Variants in CSMD3 observed in about 807,000 individuals in gnomAD.
The protein encoded by CSMD3 is CUB and Sushi multiple domains 3, also known as CUB and sushi domain-containing protein 3.
In CSMD3, 177 loss-of-function variants were observed where a neutral mutation model predicts 435.2. The ratio of observed to expected loss-of-function variants is 0.41; its 90% CI spans 0.36 to 0.46. The LOEUF (loss-of-function observed/expected upper bound fraction) is 0.46. CSMD3 is among the 20% of genes least tolerant of loss of function. The pLI is 0.34. For synonymous variants in CSMD3, 1,656 were observed against 1,520.5 expected (o/e 1.09, Z -2.07); for missense variants, 4,265 against 4,504.6 (o/e 0.95, Z 1.52).
intron 6 of CSMD3, among the ~76,000 whole-genome samples, chr8:112,993,122 G>C (rs1042819690): frequency 5.3e-5 from 8 of 151,646 alleles, no homozygotes; most frequent in Admixed American, 2.6e-4. Flanking sequence ...AAAGTATAAT[G>C]AGTACTGCGA....
chr8:113,361,018 A>G lies in CSMD3; in HGVS notation c.179-46225T>C, dbSNP rs1324491715. 5.3e-5 allele frequency among the ~76,000 whole-genome samples: 8 copies of G among 152,022 alleles called. No homozygotes were observed. The South Asian group carries it at 6.2e-4, about 12-fold the overall frequency. On this transcript the variant is annotated intron_variant, in intron 1 of 70. Transcript: ENST00000297405. ...GTAGTGACTGAATAGTTTTAAGCAGAAAAAAAAGGAACATTTAAGGACTTT... is the reference window on the plus strand; with the variant it reads ...GTAGTGACTGAATAGTTTTAAGCAGGAAAAAAAGGAACATTTAAGGACTTT...
intron 1 of CSMD3, among the ~76,000 whole-genome samples, chr8:113,369,918 G>A (rs1290705159): frequency 1.3e-5 from 2 of 151,730 alleles, no homozygotes; most frequent in African/African-American, 2.4e-5. Context: ...TGACAGTGGG[G>A]GATTGGGAGA....
Position 112,783,424 on chromosome 8 carries a change from G to GGGAAGGAAGGAAGGAA in CSMD3, c.1972+16722_1972+16737dup, listed in dbSNP as rs1256764715. On this transcript the variant is annotated intron_variant, in intron 13 of 70. Transcript: ENST00000297405. ...AAGGAAGGAAGGAAGGAGGGAGGGA[G>GGGAAGGAAGGAAGGAA]GGAAGGAAGGAAGGAAGGAAGGAAG... 3.9e-3 allele frequency among the ~76,000 whole-genome samples: 223 copies of GGGAAGGAAGGAAGGAA among 56,930 alleles called. 1 individual carries two copies. The highest frequency in any genetic ancestry group is 0.022 in the Middle Eastern group (2 of 90). 37.3% of individuals were successfully genotyped at this position (56,930 alleles called of 152,430 possible). A position where few individuals can be genotyped will look rare whatever the true frequency, so the allele number is the denominator to read the frequency against.
intron 9 of CSMD3, among the ~76,000 whole-genome samples, chr8:112,927,549 G>A (rs1011286185): frequency 1.3e-5 from 2 of 152,002 alleles, no homozygotes; most frequent in African/African-American, 2.4e-5. Flanking sequence ...TTATTTGTAA[G>A]TCATAAAAAT....
At chr8:112,639,757 G>A (rs2074768304) in intron 20 of CSMD3, among the ~76,000 whole-genome samples, 1 of 152,022 alleles carries the variant, frequency 6.6e-6, no homozygotes, top group African/African-American at 2.4e-5. Context: ...GCATAGTTGG[G>A]GGTGGTTCAT....
intron 6 of CSMD3, among the ~76,000 whole-genome samples, chr8:112,977,259 G>C (rs943718696): frequency 6.6e-6 from 1 of 151,916 alleles, no homozygotes; most frequent in Non-Finnish European, 1.5e-5. Flanking sequence ...TACTCATTAG[G>C]AATCATAGTC....
chr8:112,901,296 A>G (rs1477607155), intron 10 of CSMD3, among the ~76,000 whole-genome samples: 1 of 151,334 alleles, frequency 6.6e-6, no homozygotes, highest in East Asian at 2.0e-4. Flanking sequence ...CCATTTAAAT[A>G]CAACATTAAA....
At chr8:112,351,120 C>CT (rs201565194) in intron 40 of CSMD3, 55 bp downstream of exon 40, 972 of 1,053,326 alleles carry the variant, frequency 9.2e-4, no homozygotes, top group Non-Finnish European at 1.3e-3. Context: ...ACTTTATAGT[C>CT]TTTTTTTTTA....
chr8:112,256,363 T>A (rs968030574), intron 61 of CSMD3, among the ~76,000 whole-genome samples: 1 of 151,922 alleles, frequency 6.6e-6, no homozygotes, highest in Non-Finnish European at 1.5e-5. Context: ...TGGTGTGTGT[T>A]AGGAGGTGGG....
At chr8:113,315,975 T>C (rs1279666864) in intron 1 of CSMD3, among the ~76,000 whole-genome samples, 2 of 152,062 alleles carry the variant, frequency 1.3e-5, no homozygotes, top group Non-Finnish European at 2.9e-5. Context: ...CACCTCAGTT[T>C]CCCGAAGTGC....
chr8:112,441,829 T>A (rs146365354), intron 32 of CSMD3, among the ~76,000 whole-genome samples: 19 of 152,254 alleles, frequency 1.2e-4, no homozygotes, highest in African/African-American at 4.3e-4. Context: ...CATGATTCAA[T>A]TACTTCCCAT....
chr8:112,839,918 G>A (rs557565463), intron 11 of CSMD3, among the ~76,000 whole-genome samples: 1 of 151,650 alleles, frequency 6.6e-6, no homozygotes, highest in Non-Finnish European at 1.5e-5. Flanking sequence ...TTTTTCTTAA[G>A]ACACCAAAAG....
intron 22 of CSMD3, among the ~76,000 whole-genome samples, chr8:112,599,224 T>C (rs973170876): frequency 3.3e-5 from 5 of 149,486 alleles, no homozygotes; most frequent in African/African-American, 1.2e-4. Context: ...GAACAGACAC[T>C]TCTCAAAAGA....
intron 13 of CSMD3, among the ~76,000 whole-genome samples, chr8:112,710,620 TG>T (rs1218013061): frequency 6.6e-6 from 1 of 151,690 alleles, no homozygotes; most frequent in African/African-American, 2.4e-5. Context: ...GAATTGGGTG[TG>T]GGAGAAAGAC....
chr8:113,185,771 G>A (rs564407770), intron 3 of CSMD3, among the ~76,000 whole-genome samples: 7 of 152,134 alleles, frequency 4.6e-5, no homozygotes, highest in East Asian at 2.0e-4. Flanking sequence ...ATGTGCACGC[G>A]TGCGTGTATA....
At chr8:113,153,625 G>A (rs911800749) in intron 4 of CSMD3, among the ~76,000 whole-genome samples, 9 of 152,012 alleles carry the variant, frequency 5.9e-5, no homozygotes, top group African/African-American at 2.2e-4. Context: ...TTTCTATTTA[G>A]AGTTGTCCAA....
At chr8:113,144,555 T>C (rs928461774) in intron 4 of CSMD3, among the ~76,000 whole-genome samples, 1 of 151,652 alleles carries the variant, frequency 6.6e-6, no homozygotes, top group African/African-American at 2.4e-5. Context: ...TGCTTAGATC[T>C]GCCGTTAATT....
At chr8:113,156,505 T>A (rs1433482508) in intron 4 of CSMD3, among the ~76,000 whole-genome samples, 7 of 151,820 alleles carry the variant, frequency 4.6e-5, no homozygotes, top group Non-Finnish European at 8.8e-5. Context: ...TAAAAAAAAA[T>A]TAATATATTG....
chr8:112,648,847 T>A (rs2075050695), intron 19 of CSMD3, among the ~76,000 whole-genome samples: 1 of 152,186 alleles, frequency 6.6e-6, no homozygotes, highest in Non-Finnish European at 1.5e-5. Flanking sequence ...ACCACCATGG[T>A]CTGTCTCAAC....
Sources: allele counts gnomAD v4.1 joint callset (sites outside exome capture counted in the v4.1 genomes callset), GRCh38; gene constraint gnomAD v4.1.1; transcripts MANE v1.5; gene names NCBI Gene and HGNC (gene_info 2026-07-23, HGNC 2026-07-21).